The following GRIN2A variants were observed in gnomAD, a reference collection of about 807,000 sequenced individuals.
The protein encoded by GRIN2A is glutamate receptor ionotropic, NMDA 2A.
A neutral mutation model predicts 113.4 loss-of-function variants in GRIN2A; 22 were observed. The observed-to-expected ratio is 0.19, with a 90% CI of 0.14 to 0.28. The LOEUF (loss-of-function observed/expected upper bound fraction) is 0.28, where lower values mean the gene tolerates loss of function less well. Among genes scored for constraint, GRIN2A ranks in the 10% least tolerant of loss-of-function variants. The pLI, the probability that GRIN2A is intolerant of heterozygous loss-of-function variation, is 1.00. For missense variants in GRIN2A, 1,502 were observed against 1,887.0 expected (o/e 0.80, Z 3.78); for synonymous variants, 827 against 738.4 (o/e 1.12, Z -1.94).
At position 9,759,967 on chromosome 16, in the gene GRIN2A, G is replaced by A. The variant is rs1322003989; in HGVS notation, c.*3182C>T. On this transcript the variant is annotated 3_prime_UTR_variant, in exon 13 of 13. Coordinates refer to ENST00000330684, the MANE Select transcript of GRIN2A (RefSeq NM_001134407.3). ...GTTGCATGTGCGTGCTATTACCCAT[G>A]GACAGAGACCCAACCGTTTGCATTC... is the stretch of plus-strand genomic sequence containing the variant. The A allele has an allele frequency of 4.3e-6, 1 of 231,142 alleles. No homozygotes were observed. The highest frequency in any genetic ancestry group is 2.2e-5 in the African/African-American group (1 of 45,216). 14.3% of individuals were successfully genotyped at this position (231,142 alleles called of 1,614,324 possible). A position where few individuals can be genotyped will look rare whatever the true frequency, so the allele number is the denominator to read the frequency against.
chr16:9,791,165 A>G lies in GRIN2A; in HGVS notation c.2356+7112T>C, dbSNP rs558846158. Among the ~76,000 whole-genome samples, 28 of 152,328 alleles carry G rather than the reference A, an allele frequency of 1.8e-4. No homozygotes were observed. In the South Asian group the frequency reaches 5.0e-3, roughly 27 times the overall value. ...CACTTCTCTTGCTTTGCTAAATGCC[A>G]CAAGTGTAGAGATAAGGGAGTTCAC... On this transcript the variant is annotated intron_variant, in intron 11 of 12. Coordinates refer to ENST00000330684, the MANE Select transcript of GRIN2A (RefSeq NM_001134407.3).
intron 2 of GRIN2A, among the ~76,000 whole-genome samples, chr16:10,037,887 G>C (rs1163744390): frequency 1.3e-5 from 2 of 152,034 alleles, no homozygotes; most frequent in African/African-American, 2.4e-5. Context: ...CCAAATTGTT[G>C]AGATTACAGG....
At chr16:9,792,257 C>G (rs182099975) in intron 11 of GRIN2A, among the ~76,000 whole-genome samples, 1 of 152,282 alleles carries the variant, frequency 6.6e-6, no homozygotes, top group East Asian at 1.9e-4. Context: ...AGGTCTCACT[C>G]TGCCACCCAG....
rs1424611491 is a variant in GRIN2A at position 9,754,935 on chromosome 16, C to G, written c.*8214G>C. 1.4e-5 allele frequency: 3 copies of G among 218,490 alleles called. No homozygotes were observed. The highest frequency in any genetic ancestry group is 4.5e-5 in the African/African-American group (2 of 44,540). The allele number at this position is 218,490 out of a possible 1,614,324, so 13.5% of individuals were successfully genotyped here. A position where few individuals can be genotyped will look rare whatever the true frequency, so the allele number is the denominator to read the frequency against. On this transcript the variant is annotated 3_prime_UTR_variant, in exon 13 of 13. Coordinates refer to ENST00000330684, the MANE Select transcript of GRIN2A (RefSeq NM_001134407.3). ...AATGCCAAAGACAAACTCATGTTTG[C>G]TGGAGAACAATTAACCTCATTAATT...
At chr16:10,030,428 G>A (rs554064266) in intron 2 of GRIN2A, among the ~76,000 whole-genome samples, 7 of 152,230 alleles carry the variant, frequency 4.6e-5, no homozygotes, top group African/African-American at 1.7e-4. Flanking sequence ...GTCCAGTCAC[G>A]TGCTCAGACT....
chr16:10,009,104 A>T (rs764932662), intron 2 of GRIN2A, among the ~76,000 whole-genome samples: 3 of 152,186 alleles, frequency 2.0e-5, no homozygotes, highest in African/African-American at 7.2e-5. Flanking sequence ...AATCATGTCA[A>T]TTTGCTGGTA....
intron 2 of GRIN2A, among the ~76,000 whole-genome samples, chr16:10,051,047 C>A (rs2047349911): frequency 6.6e-6 from 1 of 152,172 alleles, no homozygotes; most frequent in Non-Finnish European, 1.5e-5. Context: ...CCAGGCCCCC[C>A]ATGTAGTTAG....
At position 9,840,975 on chromosome 16, in the gene GRIN2A, G is replaced by T. The variant is rs144572467; in HGVS notation, c.1458C>A (p.Gly486=). 50 of 1,613,664 alleles carry T rather than the reference G, an allele frequency of 3.1e-5. No individual in the cohort carries two copies. In the African/African-American group the frequency reaches 6.3e-4, roughly 20 times the overall value. ...CATTCCACACATTGTTAACTTTCTTGCCATGCTTCCCATTGGTCACCAGAT... is the reference window on the plus strand; with the variant it reads ...CATTCCACACATTGTTAACTTTCTTTCCATGCTTCCCATTGGTCACCAGAT... The part of the protein sequence containing the change: ...DLYLVTNGKH[G]KKVNNVWNGM... Residue 486 remains glycine (G), a synonymous_variant, in exon 6 of 13, where the codon GGC becomes GGA. Coordinates refer to ENST00000330684, the MANE Select transcript of GRIN2A (RefSeq NM_001134407.3).
chr16:10,159,142 A>T (rs1350963343), intron 2 of GRIN2A, among the ~76,000 whole-genome samples: 2 of 152,084 alleles, frequency 1.3e-5, no homozygotes, highest in Non-Finnish European at 2.9e-5. Flanking sequence ...CCTCTCTACA[A>T]TGAGGGTGGT....
intron 10 of GRIN2A, 47 bp downstream of exon 10, chr16:9,822,217 G>A (rs1217059877): frequency 3.1e-6 from 5 of 1,597,812 alleles, no homozygotes; most frequent in African/African-American, 1.3e-5. Context: ...TTTCTGTAAG[G>A]TTTATCGCTC....
rs749901756 is a variant in GRIN2A at position 9,884,549 on chromosome 16, G to A, written c.1122+6437C>T. On this transcript the variant is annotated intron_variant, in intron 4 of 12. Transcript: ENST00000330684. The stretch of plus-strand genomic sequence containing the variant: ...GGGTGACAGTGTGAGATTCTGTCTT[G>A]AAATAAATAAATAAATAATAAAATA... Among the ~76,000 whole-genome samples, 3 of 151,788 alleles carry A rather than the reference G, an allele frequency of 2.0e-5. No homozygotes were observed. The South Asian group carries it at 6.2e-4, about 32-fold the overall frequency.
chr16:9,838,809 T>C (rs2042624639), intron 7 of GRIN2A, among the ~76,000 whole-genome samples: 1 of 152,156 alleles, frequency 6.6e-6, no homozygotes, highest in Admixed American at 6.5e-5. Context: ...TTTTCAAGAA[T>C]GGAAAATCTA....
chr16:10,101,021 A>G (rs534073499), intron 2 of GRIN2A, among the ~76,000 whole-genome samples: 1 of 152,310 alleles, frequency 6.6e-6, no homozygotes, highest in African/African-American at 2.4e-5. Flanking sequence ...AGCCCTCAGG[A>G]TTCACTTCCG....
intron 2 of GRIN2A, among the ~76,000 whole-genome samples, chr16:10,016,534 T>C (rs993699868): frequency 6.6e-6 from 1 of 152,162 alleles, no homozygotes; most frequent in African/African-American, 2.4e-5. Flanking sequence ...CATTAAATCA[T>C]GAGCTTTGTG....
intron 2 of GRIN2A, among the ~76,000 whole-genome samples, chr16:9,947,705 G>GTTCAAAT (rs1309204126): frequency 6.6e-6 from 1 of 152,134 alleles, no homozygotes; most frequent in African/African-American, 2.4e-5. Flanking sequence ...CAAATAGAGG[G>GTTCAAAT]TTCAAATTTC....
At chr16:10,106,809 G>A (rs539766802) in intron 2 of GRIN2A, among the ~76,000 whole-genome samples, 21 of 152,300 alleles carry the variant, frequency 1.4e-4, no homozygotes, top group African/African-American at 4.8e-4. Flanking sequence ...GGTAGAGCAG[G>A]ACATGGAGGG....
At chr16:10,116,949 A>G (rs921412024) in intron 2 of GRIN2A, among the ~76,000 whole-genome samples, 1 of 152,098 alleles carries the variant, frequency 6.6e-6, no homozygotes, top group African/African-American at 2.4e-5. Context: ...AGAAGCCATC[A>G]CTGTGTTGGG....
intron 2 of GRIN2A, among the ~76,000 whole-genome samples, chr16:10,119,383 G>GAATA (rs747691726): frequency 0.84 from 128,075 of 151,992 alleles, 54,789 homozygotes; most frequent in East Asian, 0.92. Context: ...TTTATTTGAT[G>GAATA]AGTTGTTTTC....
intron 2 of GRIN2A, among the ~76,000 whole-genome samples, chr16:10,115,458 C>G (rs1252211723): frequency 1.3e-5 from 2 of 152,208 alleles, no homozygotes; most frequent in East Asian, 3.8e-4. Context: ...ATGCCAGAAA[C>G]CTATCTGGAG....
Sources: gnomAD v4.1 joint callset for allele counts (sites outside exome capture counted in the v4.1 genomes callset) on GRCh38, gnomAD v4.1.1 for gene constraint, MANE v1.5 for transcripts, NCBI Gene and HGNC (gene_info 2026-07-23, HGNC 2026-07-21) for gene names.